IPCEF1: variants seen among roughly 807,000 people sequenced by gnomAD.
The protein encoded by IPCEF1 is interactor protein for cytohesin exchange factors 1.
A neutral mutation model predicts 50.9 loss-of-function variants in IPCEF1; 31 were observed. The ratio of observed to expected loss-of-function variants is 0.61; its 90% CI spans 0.46 to 0.82. The LOEUF is 0.82. IPCEF1 is among the 40% of genes least tolerant of loss of function. The probability of loss-of-function intolerance (pLI) is 0.00; values close to 1 mark genes in which losing one functional copy is unlikely to be tolerated. For synonymous variants in IPCEF1, 181 were observed against 192.0 expected, an observed-to-expected ratio of 0.94 and a Z score of 0.47; for missense variants, 458 against 514.0, an observed-to-expected ratio of 0.89 and a Z score of 1.05.
At chr6:154,340,936 TG>T (rs1195656973) in intron 1 of IPCEF1, among the ~76,000 whole-genome samples, 58 of 151,518 alleles carry the variant, frequency 3.8e-4, no homozygotes, top group Non-Finnish European at 6.5e-4. Flanking sequence ...TGTGTGTGTG[TG>T]TATGTACACA....
chr6:154,256,396 A>T (rs1403319472), intron 3 of IPCEF1, among the ~76,000 whole-genome samples: 3 of 152,158 alleles, frequency 2.0e-5, no homozygotes, highest in African/African-American at 7.2e-5. Flanking sequence ...ATTTGTGGGG[A>T]TTGAATAGGA....
chr6:154,179,990 G>C lies in IPCEF1; in HGVS notation c.911-11877C>G, dbSNP rs117270531. 6.0e-3 allele frequency among the ~76,000 whole-genome samples: 906 copies of C among 152,268 alleles called. 3 individuals are homozygous for C. Among genetic ancestry groups the C allele is most frequent in the Non-Finnish European group, 0.01 (684 of 68,030 alleles). ...CATGAACCATACTTTGAGTAGCAAG[G>C]CCAGCCTGTTAGCAATTTTTCATGC... On this transcript the variant is annotated intron_variant, in intron 10 of 11. Transcript: ENST00000367220.
intron 10 of IPCEF1, among the ~76,000 whole-genome samples, chr6:154,170,937 C>A (rs766262753): frequency 2.0e-5 from 3 of 152,170 alleles, no homozygotes; most frequent in Non-Finnish European, 4.4e-5. Flanking sequence ...GTGGCATGAT[C>A]ATAGCTCATT....
chr6:154,329,722 A>C (rs1199433511), intron 1 of IPCEF1, among the ~76,000 whole-genome samples: 1 of 152,136 alleles, frequency 6.6e-6, no homozygotes, highest in East Asian at 1.9e-4. Context: ...AAGAAAGTGA[A>C]ATTTTTTTTT....
Position 154,168,383 on chromosome 6 carries a change from G to A in IPCEF1, c.911-270C>T, listed in dbSNP as rs139219640. On this transcript the variant is annotated intron_variant, in intron 10 of 11. Transcript: ENST00000367220. This position sits in a 1 kb window ranked among gnomAD's most constrained non-coding sequence, Gnocchi z 4.1. ...TCAAGTGGTTTTTTGGTTTGTGGCA[G>A]TATAACTCCAATATTCACATGGGGT... Among the ~76,000 whole-genome samples, 5 of 152,216 alleles carry A rather than the reference G, an allele frequency of 3.3e-5. No homozygotes were observed. The highest frequency in any genetic ancestry group is 1.2e-4 in the African/African-American group (5 of 41,534).
At chr6:154,231,851 A>G (rs1246868025) in intron 5 of IPCEF1, among the ~76,000 whole-genome samples, 1 of 152,226 alleles carries the variant, frequency 6.6e-6, no homozygotes, top group Non-Finnish European at 1.5e-5. Context: ...ACAAACACGA[A>G]AAAGAAAAGC....
intron 1 of IPCEF1, among the ~76,000 whole-genome samples, chr6:154,330,458 C>T (rs1783631802): frequency 6.6e-6 from 1 of 151,692 alleles, no homozygotes; most frequent in Non-Finnish European, 1.5e-5. Flanking sequence ...CACCTCGGTC[C>T]CCCGAGTAGC....
intron 3 of IPCEF1, among the ~76,000 whole-genome samples, chr6:154,248,338 TA>T (rs1289750944): frequency 8.7e-5 from 13 of 148,994 alleles, no homozygotes; most frequent in African/African-American, 3.2e-4. Context: ...TGTGTGTGTG[TA>T]GAGAGAGAGA....
intron 1 of IPCEF1, among the ~76,000 whole-genome samples, chr6:154,292,155 A>G (rs1782532607): frequency 6.6e-6 from 1 of 152,172 alleles, no homozygotes. Context: ...CTTTCAGGAC[A>G]TGTTTTTGTA....
chr6:154,221,819 A>G (rs1319942220), intron 6 of IPCEF1, among the ~76,000 whole-genome samples: 1 of 152,180 alleles, frequency 6.6e-6, no homozygotes, highest in Non-Finnish European at 1.5e-5. Context: ...GCTTGCAGTG[A>G]GCCGAGATCA....
At chr6:154,351,194 A>G (rs888273182) in intron 1 of IPCEF1, among the ~76,000 whole-genome samples, 3 of 152,236 alleles carry the variant, frequency 2.0e-5, no homozygotes, top group African/African-American at 7.2e-5. Context: ...AGGCCCCATC[A>G]ATATGGGTCC....
intron 6 of IPCEF1, 67 bp downstream of exon 6, chr6:154,223,103 C>T: frequency 8.1e-7 from 1 of 1,235,142 alleles, no homozygotes; most frequent in Middle Eastern, 1.9e-4. Context: ...CACCATATCC[C>T]TTGGTGAACA....
intron 6 of IPCEF1, chr6:154,222,895 G>A: frequency 2.2e-6 from 1 of 450,696 alleles, no homozygotes; most frequent in Non-Finnish European, 4.1e-6. Context: ...CAGTCCTGGA[G>A]GGGGTTTATT....
chr6:154,255,674 G>C (rs1781442912), intron 3 of IPCEF1, among the ~76,000 whole-genome samples: 1 of 152,120 alleles, frequency 6.6e-6, no homozygotes. Flanking sequence ...TTAGAGATGA[G>C]TGATTTTTCT....
At chr6:154,316,011 C>A (rs1035750748) in intron 1 of IPCEF1, among the ~76,000 whole-genome samples, 2 of 152,110 alleles carry the variant, frequency 1.3e-5, no homozygotes, top group South Asian at 2.1e-4. Flanking sequence ...AGGCATGAAC[C>A]ACCAGGCCTG....
At chr6:154,229,834 C>G (rs1779584913) in intron 5 of IPCEF1, among the ~76,000 whole-genome samples, 1 of 152,212 alleles carries the variant, frequency 6.6e-6, no homozygotes, top group African/African-American at 2.4e-5. Flanking sequence ...TGTCCATCAG[C>G]TACTAAATAG....
chr6:154,328,856 T>C (rs996011799), intron 1 of IPCEF1, among the ~76,000 whole-genome samples: 7 of 152,240 alleles, frequency 4.6e-5, no homozygotes, highest in African/African-American at 1.7e-4. Context: ...GCATTCGATG[T>C]TATTGCTTTG....
At chr6:154,321,973 A>G (rs1452265199) in intron 1 of IPCEF1, among the ~76,000 whole-genome samples, 1 of 152,036 alleles carries the variant, frequency 6.6e-6, no homozygotes, top group East Asian at 1.9e-4. Context: ...CTGTTACCAA[A>G]ATATTTGCAA....
At chr6:154,249,140 A>G (rs1781274999) in intron 3 of IPCEF1, among the ~76,000 whole-genome samples, 1 of 152,172 alleles carries the variant, frequency 6.6e-6, no homozygotes, top group African/African-American at 2.4e-5. Context: ...TGTTATAATC[A>G]TGGCATGTTA....
Sources: gnomAD v4.1 joint callset for allele counts (sites outside exome capture counted in the v4.1 genomes callset) on GRCh38, gnomAD v4.1.1 for gene constraint, Gnocchi (gnomAD v3.1) non-coding constraint, MANE v1.5 for transcripts, NCBI Gene and HGNC (gene_info 2026-07-23, HGNC 2026-07-21) for gene names.